Variants in EDIL3 observed in about 807,000 individuals in gnomAD.
The protein encoded by EDIL3 is EGF-like repeat and discoidin I-like domain-containing protein 3.
Under a neutral mutation model 67.4 loss-of-function variants are expected in EDIL3, and 37 were observed. The observed-to-expected ratio is 0.55, with a 90% CI of 0.42 to 0.72. EDIL3 has a LOEUF of 0.72. Ranked by LOEUF, EDIL3 falls within the 30% of genes least tolerant of loss-of-function variation. EDIL3 has a pLI of 0.00. For synonymous variants in EDIL3, 195 were observed against 196.3 expected, an observed-to-expected ratio of 0.99 and a Z score of 0.05; for missense variants, 527 against 586.3, an observed-to-expected ratio of 0.90 and a Z score of 1.04.
chr5:84,053,940 C>T (rs565027068), intron 9 of EDIL3, among the ~76,000 whole-genome samples: 1 of 152,132 alleles, frequency 6.6e-6, no homozygotes, highest in South Asian at 2.1e-4. Context: ...AAGAGGGAAT[C>T]CTCCCTAACT....
chr5:84,255,917 G>C (rs533325773), intron 1 of EDIL3, among the ~76,000 whole-genome samples: 87 of 152,256 alleles, frequency 5.7e-4, no homozygotes, highest in African/African-American at 2.1e-3. Flanking sequence ...TGTTAGATCA[G>C]GGAGGATTAA....
chr5:84,383,297 T>G (rs1300949428), intron 1 of EDIL3, among the ~76,000 whole-genome samples: 1 of 152,008 alleles, frequency 6.6e-6, no homozygotes. Flanking sequence ...CCCGCTGCCC[T>G]TTTCCGGCGA....
rs146439041 is a variant in EDIL3 at position 84,122,436 on chromosome 5, T to C, written c.469+14805A>G. ...TGCAGGTTTGTTACATATGTATACA[T>C]GTGCTATGTTGGTGTGCTGCACCCA... On this transcript the variant is annotated intron_variant, in intron 5 of 10. Transcript: ENST00000296591. 3.8e-3 allele frequency among the ~76,000 whole-genome samples: 578 copies of C among 152,126 alleles called. 5 individuals carry two copies. The highest frequency in any genetic ancestry group is 0.013 in the African/African-American group (550 of 41,546).
chr5:84,049,471 C>T (rs1746288794), intron 9 of EDIL3, among the ~76,000 whole-genome samples: 1 of 152,138 alleles, frequency 6.6e-6, no homozygotes, highest in Non-Finnish European at 1.5e-5. Context: ...TTTCTGACTT[C>T]TTTGTTTGGA....
At chr5:83,952,624 A>G (rs572122266) in intron 10 of EDIL3, among the ~76,000 whole-genome samples, 1 of 151,950 alleles carries the variant, frequency 6.6e-6, no homozygotes, top group African/African-American at 2.4e-5. Flanking sequence ...CCTCTTTTCT[A>G]TAAAAGTACA....
At chr5:84,363,301 A>G (rs1747653214) in intron 1 of EDIL3, among the ~76,000 whole-genome samples, 1 of 151,990 alleles carries the variant, frequency 6.6e-6, no homozygotes, top group African/African-American at 2.4e-5. Context: ...TACTAAAAAT[A>G]CAAAAATTAG....
intron 1 of EDIL3, among the ~76,000 whole-genome samples, chr5:84,271,208 T>C (rs1294499654): frequency 6.6e-6 from 1 of 152,036 alleles, no homozygotes; most frequent in African/African-American, 2.4e-5. Flanking sequence ...TCACTTAAAA[T>C]AAAGGAGAGA....
At chr5:83,963,883 C>T (rs1744647234) in intron 9 of EDIL3, among the ~76,000 whole-genome samples, 2 of 151,626 alleles carry the variant, frequency 1.3e-5, no homozygotes, top group South Asian at 4.1e-4. Flanking sequence ...AAATTTTAAT[C>T]AATTCAATAA....
rs559460612 is a variant in EDIL3, at chr5:84,260,354, C to T, written c.68-6142G>A. Among the ~76,000 whole-genome samples, 16 of 152,220 alleles carry T rather than the reference C, an allele frequency of 1.1e-4. 1 individual carries two copies. The highest frequency in any genetic ancestry group is 2.1e-4 in the Non-Finnish European group (14 of 68,010). ...CAGGGAACAGGAAGTGGTCAGCCCT[C>T]ATGATAGGTAAGACAGAGATGATTT... is the stretch of plus-strand genomic sequence containing the variant. On this transcript the variant is annotated intron_variant, in intron 1 of 10. Transcript: ENST00000296591.
chr5:84,082,609 C>T (rs1038491705), intron 6 of EDIL3, among the ~76,000 whole-genome samples: 3 of 152,184 alleles, frequency 2.0e-5, no homozygotes, highest in African/African-American at 7.2e-5. Flanking sequence ...CAAATATATA[C>T]AATCTTAAAT....
chr5:84,152,217 C>T (rs147417710), intron 4 of EDIL3, among the ~76,000 whole-genome samples: 14 of 152,150 alleles, frequency 9.2e-5, no homozygotes, highest in African/African-American at 1.9e-4. Flanking sequence ...TGCTCCCAGC[C>T]CTCTCTTTGC....
intron 3 of EDIL3, among the ~76,000 whole-genome samples, chr5:84,209,837 T>C (rs342411): frequency 0.71 from 108,069 of 151,942 alleles, 38,730 homozygotes; most frequent in African/African-American, 0.75. Context: ...ATATTTTTCA[T>C]AGCAATCTAC....
chr5:84,184,633 G>GA (rs1311411093), intron 3 of EDIL3, among the ~76,000 whole-genome samples: 2 of 152,154 alleles, frequency 1.3e-5, no homozygotes, highest in East Asian at 3.9e-4. Flanking sequence ...GGCAGAAGGG[G>GA]AAAAGTATTG....
At chr5:84,006,547 A>C (rs1309975032) in intron 9 of EDIL3, among the ~76,000 whole-genome samples, 1 of 152,116 alleles carries the variant, frequency 6.6e-6, no homozygotes, top group Non-Finnish European at 1.5e-5. Flanking sequence ...CAAAAAAGGC[A>C]ACAATAGATA....
chr5:83,984,048 AG>A (rs1196485777), intron 9 of EDIL3, among the ~76,000 whole-genome samples: 2 of 152,056 alleles, frequency 1.3e-5, no homozygotes, highest in African/African-American at 4.8e-5. Flanking sequence ...GCCAGGACAG[AG>A]GAACAATGGA....
intron 1 of EDIL3, among the ~76,000 whole-genome samples, chr5:84,264,224 C>T (rs751171530): frequency 4.6e-5 from 7 of 152,046 alleles, no homozygotes; most frequent in South Asian, 2.1e-4. Context: ...CCAGCCTGGG[C>T]GGCAGAGCCA....
intron 1 of EDIL3, among the ~76,000 whole-genome samples, chr5:84,355,921 A>G (rs1159463004): frequency 1.3e-5 from 2 of 152,090 alleles, no homozygotes; most frequent in Non-Finnish European, 2.9e-5. Flanking sequence ...TCCCAGGGAG[A>G]TGGGAGTTTT....
At chr5:84,218,599 G>A (rs778787216) in intron 3 of EDIL3, among the ~76,000 whole-genome samples, 2 of 152,202 alleles carry the variant, frequency 1.3e-5, no homozygotes, top group Non-Finnish European at 2.9e-5. Flanking sequence ...AGAGCACCAA[G>A]CAGGCTCCTG....
At chr5:84,071,538 A>C (rs776779915) in intron 6 of EDIL3, among the ~76,000 whole-genome samples, 1 of 152,228 alleles carries the variant, frequency 6.6e-6, no homozygotes, top group Non-Finnish European at 1.5e-5. Context: ...GGACATAAAA[A>C]GATAATTGTC....
Sources: gnomAD v4.1 joint callset for allele counts (sites outside exome capture counted in the v4.1 genomes callset) on GRCh38, gnomAD v4.1.1 for gene constraint, MANE v1.5 for transcripts, NCBI Gene and HGNC (gene_info 2026-07-23, HGNC 2026-07-21) for gene names.